Variants in PXDNL observed in about 807,000 individuals in gnomAD.
PXDNL encodes the protein peroxidasin like.
PXDNL carries 145 observed loss-of-function variants against 150.8 expected under a neutral mutation model. The observed-to-expected ratio is 0.96, with a 90% CI of 0.84 to 1.10. PXDNL has a LOEUF of 1.10. Among genes scored for constraint, PXDNL ranks in the 50% least tolerant of loss-of-function variants. The probability of loss-of-function intolerance (pLI) is 0.00; values close to 1 mark genes in which losing one functional copy is unlikely to be tolerated. For synonymous variants in PXDNL, 757 were observed against 725.7 expected, an observed-to-expected ratio of 1.04 and a Z score of -0.69; for missense variants, 2,087 against 1,873.9, an observed-to-expected ratio of 1.11 and a Z score of -2.10.
intron 19 of PXDNL, among the ~76,000 whole-genome samples, chr8:51,367,544 G>A (rs1471112187): frequency 6.6e-6 from 1 of 152,040 alleles, no homozygotes; most frequent in Non-Finnish European, 1.5e-5. Context: ...CCTATATCCT[G>A]TACCTCAGCA....
At chr8:51,478,687 C>T (rs551105845) in intron 6 of PXDNL, among the ~76,000 whole-genome samples, 1 of 152,182 alleles carries the variant, frequency 6.6e-6, no homozygotes, top group Non-Finnish European at 1.5e-5. Flanking sequence ...CACAAGCTAT[C>T]AGTGAATGGA....
chr8:51,724,899 T>C (rs62508278), intron 1 of PXDNL, among the ~76,000 whole-genome samples: 2,974 of 152,308 alleles, frequency 0.02, 33 homozygotes, highest in Non-Finnish European at 0.029. Flanking sequence ...CTCCAGGAAC[T>C]ACCCCCTAAT....
chr8:51,562,938 G>C (rs1382066236), intron 3 of PXDNL, among the ~76,000 whole-genome samples: 1 of 151,942 alleles, frequency 6.6e-6, no homozygotes, highest in Non-Finnish European at 1.5e-5. Context: ...TTGCGAGGGA[G>C]TTGCAGTTGT....
intron 1 of PXDNL, among the ~76,000 whole-genome samples, chr8:51,710,071 G>A (rs1328780035): frequency 1.3e-5 from 2 of 152,134 alleles, no homozygotes; most frequent in African/African-American, 4.8e-5. Flanking sequence ...TTTGAAAAAA[G>A]AGATAAAAAT....
chr8:51,525,746 G>A (rs1467854295), intron 4 of PXDNL, among the ~76,000 whole-genome samples: 1 of 152,192 alleles, frequency 6.6e-6, no homozygotes, highest in African/African-American at 2.4e-5. Context: ...AGCACTGAAG[G>A]AACCAGGGCA....
In PXDNL at chr8:51,668,538, T is replaced by G. The variant is rs993885237; in HGVS notation, c.165-13778A>C. Among the ~76,000 whole-genome samples the G allele has an allele frequency of 5.9e-5, 9 of 152,234 alleles. No individual in the cohort carries two copies. In the South Asian group the frequency reaches 6.2e-4, roughly 11 times the overall value. On this transcript the variant is annotated intron_variant, in intron 1 of 22. Transcript: ENST00000356297. ...AAAGGCTAAAAGGAGAAAAGCACTCTTACGAGAAGGATTTTGCTTAACCTA... is the reference window on the plus strand; with the variant it reads ...AAAGGCTAAAAGGAGAAAAGCACTCGTACGAGAAGGATTTTGCTTAACCTA...
intron 2 of PXDNL, among the ~76,000 whole-genome samples, chr8:51,595,694 T>G (rs973792550): frequency 2.6e-5 from 4 of 151,960 alleles, no homozygotes; most frequent in Non-Finnish European, 5.9e-5. Flanking sequence ...TATTCTGGAG[T>G]GATTTGCATA....
intron 14 of PXDNL, among the ~76,000 whole-genome samples, chr8:51,420,977 T>C (rs1351174534): frequency 6.6e-6 from 1 of 152,222 alleles, no homozygotes; most frequent in Non-Finnish European, 1.5e-5. Flanking sequence ...CATGAGCCAC[T>C]GCACCCAGCC....
At chr8:51,605,860 T>C in intron 2 of PXDNL, among the ~76,000 whole-genome samples, 1 of 152,128 alleles carries the variant, frequency 6.6e-6, no homozygotes, top group Middle Eastern at 3.2e-3. Context: ...ATCTCCAGAG[T>C]GGCTTTGTTA....
chr8:51,412,030 ATT>A (rs1808666781), intron 15 of PXDNL, among the ~76,000 whole-genome samples: 1 of 152,166 alleles, frequency 6.6e-6, no homozygotes, highest in Non-Finnish European at 1.5e-5. Context: ...TTGACCTATT[ATT>A]TATCTTGTAT....
chr8:51,532,556 AGTTT>A (rs112982321), intron 4 of PXDNL, among the ~76,000 whole-genome samples: 1,775 of 152,196 alleles, frequency 0.012, 21 homozygotes, highest in African/African-American at 0.039. Flanking sequence ...AGCATCTCTG[AGTTT>A]GTTTGTTTGT....
At chr8:51,664,698 G>C (rs1289826432) in intron 1 of PXDNL, among the ~76,000 whole-genome samples, 6 of 152,106 alleles carry the variant, frequency 3.9e-5, no homozygotes, top group African/African-American at 1.4e-4. Context: ...CATCCTCCCA[G>C]CCTGGTTCTT....
chr8:51,659,280 C>G (rs2130809016), intron 1 of PXDNL, among the ~76,000 whole-genome samples: 1 of 152,110 alleles, frequency 6.6e-6, no homozygotes, highest in Non-Finnish European at 1.5e-5. Context: ...GTCATTGTAC[C>G]AAGATAAAAG....
intron 4 of PXDNL, among the ~76,000 whole-genome samples, chr8:51,547,986 A>G (rs752654258): frequency 6.6e-6 from 1 of 152,100 alleles, no homozygotes; most frequent in Non-Finnish European, 1.5e-5. Flanking sequence ...AGCATAAAGA[A>G]AACACAATCA....
intron 1 of PXDNL, among the ~76,000 whole-genome samples, chr8:51,669,157 T>C (rs2130825978): frequency 6.6e-6 from 1 of 152,336 alleles, no homozygotes; most frequent in East Asian, 1.9e-4. Flanking sequence ...AACATTATGC[T>C]GAAAGAAATT....
intron 15 of PXDNL, 37 bp downstream of exon 15, chr8:51,413,113 A>G (rs758184649): frequency 1.6e-6 from 2 of 1,250,544 alleles, no homozygotes; most frequent in Admixed American, 3.4e-5. Flanking sequence ...AACAGAAATG[A>G]AAACAAGGTT....
At chr8:51,520,378 G>A (rs1811635279) in intron 4 of PXDNL, among the ~76,000 whole-genome samples, 1 of 152,162 alleles carries the variant, frequency 6.6e-6, no homozygotes, top group Non-Finnish European at 1.5e-5. Context: ...CTGGAACCTG[G>A]CTGCGGGGAA....
At chr8:51,422,404 CAGA>C (rs10569155) in intron 14 of PXDNL, among the ~76,000 whole-genome samples, 1,626 of 152,144 alleles carry the variant, frequency 0.011, 30 homozygotes, top group African/African-American at 0.037. Context: ...AATAAATGCT[CAGA>C]AGTTTGATAT....
intron 12 of PXDNL, among the ~76,000 whole-genome samples, chr8:51,437,883 T>A (rs755610137): frequency 1.3e-5 from 2 of 152,202 alleles, no homozygotes; most frequent in Non-Finnish European, 2.9e-5. Context: ...TGTTTGCTGA[T>A]GATATGATTG....
Sources: gnomAD v4.1 joint callset for allele counts (sites outside exome capture counted in the v4.1 genomes callset) on GRCh38, gnomAD v4.1.1 for gene constraint, MANE v1.5 for transcripts, NCBI Gene and HGNC (gene_info 2026-07-23, HGNC 2026-07-21) for gene names.